NR6A1: variants seen among roughly 807,000 people sequenced by gnomAD.
The protein encoded by NR6A1 is nuclear receptor subfamily 6 group A member 1, also known as retinoic acid receptor-related testis-associated receptor.
In NR6A1, 7 loss-of-function variants were observed where a neutral mutation model predicts 59.1. The ratio of observed to expected loss-of-function variants is 0.12; its 90% CI spans 0.07 to 0.22. The LOEUF (loss-of-function observed/expected upper bound fraction) is 0.22. Among genes scored for constraint, NR6A1 ranks in the 10% least tolerant of loss-of-function variants. NR6A1 has a pLI of 1.00. For synonymous variants in NR6A1, 243 were observed against 236.1 expected (o/e 1.03, Z -0.27); for missense variants, 468 against 611.6 (o/e 0.77, Z 2.48).
chr9:124,750,488 C>T (rs1287304454), intron 1 of NR6A1, among the ~76,000 whole-genome samples: 6 of 152,132 alleles, frequency 3.9e-5, no homozygotes, highest in Non-Finnish European at 8.8e-5. Flanking sequence ...AGGCCAGGCG[C>T]GGTGGCTCAC....
intron 2 of NR6A1, among the ~76,000 whole-genome samples, chr9:124,586,612 A>AT (rs962405476): frequency 2.6e-5 from 4 of 151,850 alleles, no homozygotes; most frequent in African/African-American, 7.3e-5. Context: ...TGCCCAGCTA[A>AT]TTTTTTTTAA....
chr9:124,706,752 G>A (rs967723171), intron 2 of NR6A1, among the ~76,000 whole-genome samples: 4 of 151,978 alleles, frequency 2.6e-5, no homozygotes, highest in East Asian at 1.9e-4. Context: ...TCCCGACCTC[G>A]TGATCCACCC....
Position 124,764,734 on chromosome 9 carries a change from C to T in NR6A1, c.100+6286G>A, listed in dbSNP as rs1840884677. ...TGCTATAGCTATTACTCTAACAACT[C>T]CCTTAATCACTATTACCAAATTTTT... On this transcript the variant is annotated intron_variant, in intron 1 of 9. Coordinates refer to ENST00000487099, the MANE Select transcript of NR6A1 (RefSeq NM_033334.4). 5.9e-5 allele frequency among the ~76,000 whole-genome samples: 9 copies of T among 152,198 alleles called. No homozygotes were observed. The South Asian group carries it at 1.9e-3, about 32-fold the overall frequency.
chr9:124,695,019 T>A (rs1838699206), intron 2 of NR6A1, among the ~76,000 whole-genome samples: 1 of 152,228 alleles, frequency 6.6e-6, no homozygotes, highest in Non-Finnish European at 1.5e-5. Flanking sequence ...GACGAGGTGA[T>A]TTTGGGTCAC....
intron 2 of NR6A1, among the ~76,000 whole-genome samples, chr9:124,697,498 C>T (rs1838804788): frequency 6.6e-6 from 1 of 151,964 alleles, no homozygotes; most frequent in African/African-American, 2.4e-5. Context: ...TAAGTAAAGA[C>T]TTCAAGGGTA....
intron 2 of NR6A1, among the ~76,000 whole-genome samples, chr9:124,685,942 A>G (rs562784797): frequency 6.8e-4 from 103 of 152,308 alleles, no homozygotes; most frequent in Non-Finnish European, 1.3e-3. Flanking sequence ...CAGAACACAC[A>G]TTTTTAAATA....
At chr9:124,537,126 T>A (rs1162552147) in intron 6 of NR6A1, among the ~76,000 whole-genome samples, 1 of 149,658 alleles carries the variant, frequency 6.7e-6, no homozygotes, top group East Asian at 2.0e-4. Flanking sequence ...AGAGCTGGAG[T>A]GCAGTGGCGC....
At chr9:124,575,767 C>G (rs572164583) in intron 2 of NR6A1, among the ~76,000 whole-genome samples, 1 of 152,100 alleles carries the variant, frequency 6.6e-6, no homozygotes, top group Non-Finnish European at 1.5e-5. Flanking sequence ...GTAATGTGAA[C>G]AGAGTTAATA....
intron 2 of NR6A1, among the ~76,000 whole-genome samples, chr9:124,653,558 A>G (rs1554740082): frequency 6.6e-6 from 1 of 152,124 alleles, no homozygotes; most frequent in Non-Finnish European, 1.5e-5. Context: ...CTACAGGCAC[A>G]TATCATCAAG....
chr9:124,722,504 T>C (rs1304525177), intron 2 of NR6A1, among the ~76,000 whole-genome samples: 1 of 152,222 alleles, frequency 6.6e-6, no homozygotes, highest in Non-Finnish European at 1.5e-5. Context: ...CACATTTCTC[T>C]TTTGTAGCTG....
intron 2 of NR6A1, among the ~76,000 whole-genome samples, chr9:124,557,120 T>C (rs756351224): frequency 1.3e-5 from 2 of 152,138 alleles, no homozygotes; most frequent in Non-Finnish European, 2.9e-5. Flanking sequence ...CACGTTATTG[T>C]AATACAATCC....
Position 124,540,074 on chromosome 9 carries a change from C to T in NR6A1, c.555G>A (p.Ser185=), listed in dbSNP as rs145948500. 1.7e-5 allele frequency: 27 copies of T among 1,610,812 alleles called. No homozygotes were observed. In the Middle Eastern group the frequency reaches 6.6e-4, roughly 39 times the overall value. Residue 185 remains serine, a synonymous_variant, in exon 5 of 10, where the codon TCG becomes TCA. Transcript: ENST00000487099. ...SDHSSPGNRA[S]ESNQPSPGST... ...AGCCTGGTGAGGGCTGGTTGCTCTC[C>T]GAAGCCCTGTTCCCAGGGGAACTGT...
chr9:124,609,349 CATTT>C (rs2130838552), intron 2 of NR6A1, among the ~76,000 whole-genome samples: 1 of 152,300 alleles, frequency 6.6e-6, no homozygotes, highest in African/African-American at 2.4e-5. Context: ...CTCCCAGCAT[CATTT>C]ATTAAATAGG....
intron 2 of NR6A1, among the ~76,000 whole-genome samples, chr9:124,581,765 G>A (rs928509594): frequency 4.6e-5 from 7 of 152,190 alleles, no homozygotes; most frequent in African/African-American, 7.2e-5. Context: ...AGTGGGCCGA[G>A]GATATGAACA....
chr9:124,667,583 G>A (rs1837662596), intron 2 of NR6A1, among the ~76,000 whole-genome samples: 1 of 152,062 alleles, frequency 6.6e-6, no homozygotes, highest in Non-Finnish European at 1.5e-5. Context: ...TTTCTCTCTA[G>A]TAGTATTACT....
intron 2 of NR6A1, among the ~76,000 whole-genome samples, chr9:124,695,458 T>C (rs1364478616): frequency 6.6e-6 from 1 of 152,120 alleles, no homozygotes; most frequent in Non-Finnish European, 1.5e-5. Context: ...CACTGCAACC[T>C]CTGCTTCCTG....
chr9:124,611,514 T>C (rs1341204207), intron 2 of NR6A1, among the ~76,000 whole-genome samples: 2 of 152,002 alleles, frequency 1.3e-5, no homozygotes, highest in Non-Finnish European at 2.9e-5. Context: ...GGCAAGAGGA[T>C]TGCTTGAGGC....
intron 2 of NR6A1, among the ~76,000 whole-genome samples, chr9:124,662,285 G>C (rs1467891450): frequency 6.6e-6 from 1 of 152,100 alleles, no homozygotes; most frequent in African/African-American, 2.4e-5. Context: ...TAGTTTCATG[G>C]TATCACAGCA....
At chr9:124,757,384 A>G (rs948753189) in intron 1 of NR6A1, among the ~76,000 whole-genome samples, 7 of 152,074 alleles carry the variant, frequency 4.6e-5, no homozygotes, top group Non-Finnish European at 7.4e-5. Flanking sequence ...AGTGAAGTTT[A>G]TAACAGGAGA....
Sources: allele counts gnomAD v4.1 joint callset (sites outside exome capture counted in the v4.1 genomes callset), GRCh38; gene constraint gnomAD v4.1.1; transcripts MANE v1.5; gene names NCBI Gene and HGNC (gene_info 2026-07-23, HGNC 2026-07-21).